SETD3: variants seen among roughly 807,000 people sequenced by gnomAD.
The protein encoded by SETD3 is SET domain containing 3, actin N3(tau)-histidine methyltransferase.
Under a neutral mutation model 63.0 loss-of-function variants are expected in SETD3, and 19 were observed. The observed-to-expected ratio is 0.30, with a 90% CI of 0.21 to 0.44. SETD3 has a LOEUF of 0.44. SETD3 is among the 20% of genes least tolerant of loss of function. The pLI is 1.00. For synonymous variants in SETD3, 286 were observed against 264.1 expected, an observed-to-expected ratio of 1.08 and a Z score of -0.80; for missense variants, 587 against 728.5, an observed-to-expected ratio of 0.81 and a Z score of 2.24.
chr14:99,414,673 C>G (rs1326726918), intron 6 of SETD3, among the ~76,000 whole-genome samples: 1 of 152,208 alleles, frequency 6.6e-6, no homozygotes, highest in Non-Finnish European at 1.5e-5. Context: ...CATATTCTCT[C>G]TTCACCACGT....
chr14:99,482,152 A>G (rs1896353283), upstream of SETD3, among the ~76,000 whole-genome samples: 1 of 152,252 alleles, frequency 6.6e-6, no homozygotes. Flanking sequence ...TGCTCCCTAA[A>G]TTTAGACTGC....
chr14:99,437,738 G>C (rs576470154), intron 6 of SETD3, among the ~76,000 whole-genome samples: 1 of 152,288 alleles, frequency 6.6e-6, no homozygotes, highest in South Asian at 2.1e-4. Context: ...ATCTCTTTCA[G>C]TTTTGAGATA....
At chr14:99,441,164 C>T (rs1893788221) in intron 6 of SETD3, among the ~76,000 whole-genome samples, 1 of 152,248 alleles carries the variant, frequency 6.6e-6, no homozygotes, top group African/African-American at 2.4e-5. Flanking sequence ...AGTTGTCTGT[C>T]TGTGAGGGAC....
At chr14:99,481,380 C>G (rs1896308881), upstream of SETD3, 2 of 398,686 alleles carry the variant, frequency 5.0e-6, no homozygotes, top group East Asian at 3.6e-5. Flanking sequence ...GGTGGCGTCT[C>G]AGGACGCAGC....
intron 6 of SETD3, among the ~76,000 whole-genome samples, chr14:99,438,413 G>A (rs1893608871): frequency 6.6e-6 from 1 of 152,248 alleles, no homozygotes; most frequent in Non-Finnish European, 1.5e-5. Flanking sequence ...TAGATTACCT[G>A]TGGTGTGTCT....
chr14:99,479,427 G>A (rs1262474187), intron 1 of SETD3, among the ~76,000 whole-genome samples: 1 of 152,242 alleles, frequency 6.6e-6, no homozygotes, highest in Non-Finnish European at 1.5e-5. Flanking sequence ...AGTACATACA[G>A]CAAGGTTCAA....
chr14:99,444,321 G>A (rs1028970227), intron 6 of SETD3: 1 of 152,176 alleles, frequency 6.6e-6, no homozygotes, highest in Non-Finnish European at 1.5e-5. Flanking sequence ...CGCTTAGGCA[G>A]CACATATACT....
chr14:99,457,148 T>C (rs1478442089), intron 6 of SETD3, among the ~76,000 whole-genome samples: 1 of 152,218 alleles, frequency 6.6e-6, no homozygotes, highest in East Asian at 1.9e-4. Context: ...GTGCACACTA[T>C]ATGAAGAAGC....
At chr14:99,404,871 G>C (rs1179107951) in intron 10 of SETD3, among the ~76,000 whole-genome samples, 2 of 152,116 alleles carry the variant, frequency 1.3e-5, no homozygotes, top group Non-Finnish European at 2.9e-5. Context: ...ACTAATGGTA[G>C]CAACGAATTA....
At chr14:99,475,766 C>G (rs1895941888) in intron 1 of SETD3, among the ~76,000 whole-genome samples, 2 of 152,170 alleles carry the variant, frequency 1.3e-5, no homozygotes, top group South Asian at 4.1e-4. Context: ...CTAAGACTGC[C>G]CTAGCTTTTC....
chr14:99,439,995 G>A (rs1893708586), intron 6 of SETD3, among the ~76,000 whole-genome samples: 1 of 151,686 alleles, frequency 6.6e-6, no homozygotes, highest in Non-Finnish European at 1.5e-5. Context: ...GTTTCGCCAT[G>A]TTGGGGTTTC....
At chr14:99,441,616 G>A (rs1035018763) in intron 6 of SETD3, among the ~76,000 whole-genome samples, 2 of 152,218 alleles carry the variant, frequency 1.3e-5, no homozygotes, top group Admixed American at 6.5e-5. Flanking sequence ...AGAACCCAGG[G>A]AAGCCTGCAG....
intron 1 of SETD3, among the ~76,000 whole-genome samples, chr14:99,477,581 C>G (rs973026083): frequency 6.6e-6 from 1 of 151,888 alleles, no homozygotes; most frequent in African/African-American, 2.4e-5. Flanking sequence ...ATGGAGAAAC[C>G]CTTTCTCTAT....
At chr14:99,480,917 G>A (rs1390282360), upstream of SETD3, 5 of 151,470 alleles carry the variant, frequency 3.3e-5, no homozygotes, top group Non-Finnish European at 5.9e-5. Context: ...CCCCGCCCCC[G>A]GGCCGCAGCC....
In SETD3 at chr14:99,456,195, A is replaced by G. The variant is rs141691816; in HGVS notation, c.675+2084T>C. ...AGTCTGATATAAAATAAAAGAACTTATATGTGTGACCAGACACATTTTGCT... is the reference window on the plus strand; with the variant it reads ...AGTCTGATATAAAATAAAAGAACTTGTATGTGTGACCAGACACATTTTGCT... On this transcript the variant is annotated intron_variant, in intron 6 of 12. Transcript: ENST00000331768. 7.2e-3 allele frequency among the ~76,000 whole-genome samples: 1,096 copies of G among 152,356 alleles called. 8 individuals are homozygous for G. Among genetic ancestry groups the G allele is most frequent in the African/African-American group, 0.024 (1,007 of 41,580 alleles).
intron 6 of SETD3, among the ~76,000 whole-genome samples, chr14:99,419,453 GA>G (rs1259325002): frequency 6.6e-6 from 1 of 152,194 alleles, no homozygotes; most frequent in African/African-American, 2.4e-5. Context: ...AAAATTTGTT[GA>G]AACATGGCAA....
At chr14:99,423,036 C>T (rs1422707637) in intron 6 of SETD3, among the ~76,000 whole-genome samples, 1 of 152,144 alleles carries the variant, frequency 6.6e-6, no homozygotes, top group Non-Finnish European at 1.5e-5. Flanking sequence ...TTTCTCTATT[C>T]CCCACGCTCA....
chr14:99,456,095 C>A (rs577658522), intron 6 of SETD3, among the ~76,000 whole-genome samples: 1 of 152,258 alleles, frequency 6.6e-6, no homozygotes, highest in East Asian at 1.9e-4. Context: ...GTCGAGGCTG[C>A]AGTGAGCCAT....
intron 2 of SETD3, among the ~76,000 whole-genome samples, chr14:99,464,699 C>A (rs958389387): frequency 3.9e-5 from 6 of 152,228 alleles, no homozygotes; most frequent in African/African-American, 1.2e-4. Context: ...AACGGAGTGA[C>A]CACAGCTACA....
Sources: gnomAD v4.1 joint callset for allele counts (sites outside exome capture counted in the v4.1 genomes callset) on GRCh38, gnomAD v4.1.1 for gene constraint, MANE v1.5 for transcripts, NCBI Gene and HGNC (gene_info 2026-07-23, HGNC 2026-07-21) for gene names.